Variants in ITCH observed in about 807,000 individuals in gnomAD.
ITCH encodes itchy E3 ubiquitin protein ligase.
ITCH carries 28 observed loss-of-function variants against 126.8 expected under a neutral mutation model. The observed-to-expected ratio is 0.22, with a 90% CI of 0.16 to 0.30. The LOEUF (loss-of-function observed/expected upper bound fraction) is 0.30, where lower values mean the gene tolerates loss of function less well. Among genes scored for constraint, ITCH ranks in the 10% least tolerant of loss-of-function variants. The pLI, the probability that ITCH is intolerant of heterozygous loss-of-function variation, is 1.00. For missense variants in ITCH, 631 were observed against 1,032.4 expected (o/e 0.61, Z 5.33); for synonymous variants, 342 against 340.0 (o/e 1.01, Z -0.06).
At chr20:34,498,918 T>C (rs992903650) in intron 23 of ITCH, among the ~76,000 whole-genome samples, 1 of 152,102 alleles carries the variant, frequency 6.6e-6, no homozygotes, top group Non-Finnish European at 1.5e-5. Context: ...TTAGTTCTTC[T>C]TTAAATGTTT....
intron 7 of ITCH, among the ~76,000 whole-genome samples, chr20:34,436,977 G>T (rs1983082658): frequency 6.6e-6 from 1 of 151,916 alleles, no homozygotes; most frequent in African/African-American, 2.4e-5. Context: ...ATACACAAAA[G>T]AATTAGCTGC....
chr20:34,451,572 G>A (rs1013981699), intron 12 of ITCH, among the ~76,000 whole-genome samples: 1 of 152,176 alleles, frequency 6.6e-6, no homozygotes, highest in African/African-American at 2.4e-5. Context: ...TGAATGGTTA[G>A]TATGAAGTAC....
chr20:34,456,172 GTGTGTGTGTGTGTATATATATA>G (rs1347200632), intron 12 of ITCH, among the ~76,000 whole-genome samples: 5 of 34,304 alleles, frequency 1.5e-4, no homozygotes, highest in Admixed American at 2.6e-4. Context: ...GTGTGTGTGT[GTGTGTGTGTGTGTATATATATA>G]TATATATATA....
intron 23 of ITCH, among the ~76,000 whole-genome samples, chr20:34,502,481 C>T (rs777644506): frequency 1.2e-4 from 18 of 151,768 alleles, no homozygotes; most frequent in South Asian, 4.2e-4. Flanking sequence ...GAGGCCGAGA[C>T]GGTTGGGTCA....
At chr20:34,401,623 G>GA in intron 3 of ITCH, 1 of 982,372 alleles carries the variant, frequency 1.0e-6, no homozygotes, top group Non-Finnish European at 1.2e-6. Context: ...GCCCCAGATG[G>GA]GGAACATGTT....
At chr20:34,449,316 T>C (rs960839253) in intron 11 of ITCH, 95 bp from the exon 12 acceptor site, 5 of 742,482 alleles carry the variant, frequency 6.7e-6, no homozygotes, top group African/African-American at 1.7e-5. Flanking sequence ...CTCTGTGTTA[T>C]ACATTGCCAG....
intron 16 of ITCH, among the ~76,000 whole-genome samples, chr20:34,475,207 A>G (rs1280073218): frequency 1.3e-5 from 2 of 151,708 alleles, no homozygotes; most frequent in African/African-American, 4.8e-5. Flanking sequence ...CACATCCCAG[A>G]CGATGGGCGG....
intron 6 of ITCH, among the ~76,000 whole-genome samples, chr20:34,420,753 C>T (rs1568922055): frequency 6.6e-6 from 1 of 151,832 alleles, no homozygotes; most frequent in Non-Finnish European, 1.5e-5. Context: ...TTGTCTCTTC[C>T]TCATTGAGGT....
At chr20:34,489,743 C>G in intron 21 of ITCH, 79 bp from the exon 22 acceptor site, 1 of 938,876 alleles carries the variant, frequency 1.1e-6, no homozygotes, top group Non-Finnish European at 1.8e-6. Context: ...TAAAGCTTTG[C>G]TTAATCTTAG....
chr20:34,427,246 ACTTCTT>A (rs1366920593), intron 7 of ITCH, among the ~76,000 whole-genome samples: 2 of 152,170 alleles, frequency 1.3e-5, no homozygotes, highest in Non-Finnish European at 2.9e-5. Context: ...AGGAGCAGTA[ACTTCTT>A]GCCTAGAAAA....
chr20:34,381,819 A>C (rs1476522032), intron 2 of ITCH, among the ~76,000 whole-genome samples: 1 of 151,358 alleles, frequency 6.6e-6, no homozygotes, highest in African/African-American at 2.4e-5. Context: ...AGCCATGATC[A>C]CACCACTGTA....
intron 20 of ITCH, among the ~76,000 whole-genome samples, chr20:34,484,068 C>T (rs1308985634): frequency 6.6e-6 from 1 of 152,210 alleles, no homozygotes; most frequent in Non-Finnish European, 1.5e-5. Flanking sequence ...ATTCAGTTAT[C>T]TCCCACTGGT....
At position 34,424,550 on chromosome 20, in the gene ITCH, A is replaced by G. The variant is rs181550100; in HGVS notation, c.521+25A>G. On this transcript the variant is annotated intron_variant, in intron 7 of 24. Transcript: ENST00000374864. The stretch of plus-strand genomic sequence containing the variant: ...GGTAAGCATTCACTGATTGCTTACC[A>G]CAGAATGCGGAGAGATAGATTTCCT... 1.1e-4 allele frequency: 167 copies of G among 1,586,902 alleles called. 1 individual carries two copies. The African/African-American group carries it at 1.9e-3, about 18-fold the overall frequency.
rs1984571271 is a variant in ITCH at position 34,447,206 on chromosome 20, T to A, written c.1140+1745T>A. ...TTTTTTTTTTAAGTACAGCTTCTCCTTCATCATCCTGTCCCCCCGCCCAAT... is the reference window on the plus strand; with the variant it reads ...TTTTTTTTTTAAGTACAGCTTCTCCATCATCATCCTGTCCCCCCGCCCAAT... On this transcript the variant is annotated intron_variant, in intron 11 of 24. Coordinates refer to ENST00000374864, the MANE Select transcript of ITCH (RefSeq NM_031483.7). 4.0e-5 allele frequency among the ~76,000 whole-genome samples: 6 copies of A among 151,892 alleles called. No homozygotes were observed. In the South Asian group the frequency reaches 1.2e-3, roughly 32 times the overall value.
chr20:34,479,824 T>C lies in ITCH; in HGVS notation c.1818+35T>C. ...GGTCAAGAATTATGTTTACTTTGCT[T>C]ATTCAGCAATACTAAATTTTCTCTT... On this transcript the variant is annotated intron_variant, in intron 18 of 24. Coordinates refer to ENST00000374864, the MANE Select transcript of ITCH (RefSeq NM_031483.7). 1.9e-6 allele frequency: 3 copies of C among 1,584,402 alleles called. No homozygotes were observed. In the South Asian group the frequency reaches 3.3e-5, roughly 18 times the overall value.
In ITCH at chr20:34,369,146, G is replaced by C. The variant is rs145817095; in HGVS notation, c.-98-248G>C. 4.8e-3 allele frequency among the ~76,000 whole-genome samples: 724 copies of C among 152,210 alleles called. 6 individuals are homozygous for C. The highest frequency in any genetic ancestry group is 0.017 in the African/African-American group (697 of 41,530). ...AGTTCAAGACCAGCCTGACCAATATGGTGAAACCCCATCTCTACTAAAAAT... is the reference window on the plus strand; with the variant it reads ...AGTTCAAGACCAGCCTGACCAATATCGTGAAACCCCATCTCTACTAAAAAT... On this transcript the variant is annotated intron_variant, in intron 1 of 24. Transcript: ENST00000374864.
At chr20:34,439,567 C>A (rs1392395339) in intron 8 of ITCH, among the ~76,000 whole-genome samples, 8 of 152,220 alleles carry the variant, frequency 5.3e-5, no homozygotes, top group Non-Finnish European at 1.2e-4. Context: ...TAAGCCACTG[C>A]AGCCACATCT....
At chr20:34,453,989 G>T (rs550250269) in intron 12 of ITCH, among the ~76,000 whole-genome samples, 1 of 151,508 alleles carries the variant, frequency 6.6e-6, no homozygotes, top group Non-Finnish European at 1.5e-5. Flanking sequence ...ACAGAGCAAG[G>T]CTCCGTCTCA....
chr20:34,372,615 C>T (rs1279378435), intron 2 of ITCH, among the ~76,000 whole-genome samples: 23 of 151,858 alleles, frequency 1.5e-4, no homozygotes, highest in African/African-American at 4.8e-4. Context: ...CTCCTGACCT[C>T]GTGATCTGCC....
Sources: allele counts gnomAD v4.1 joint callset (sites outside exome capture counted in the v4.1 genomes callset), GRCh38; gene constraint gnomAD v4.1.1; transcripts MANE v1.5; gene names NCBI Gene and HGNC (gene_info 2026-07-23, HGNC 2026-07-21).